Variants in NECTIN3 observed in about 807,000 individuals in gnomAD.
NECTIN3 encodes the protein nectin cell adhesion molecule 3.
NECTIN3 carries 8 observed loss-of-function variants against 49.4 expected under a neutral mutation model. The observed-to-expected ratio is 0.16, with a 90% CI of 0.10 to 0.29. The LOEUF (loss-of-function observed/expected upper bound fraction) is 0.29, where lower values mean the gene tolerates loss of function less well. Ranked by LOEUF, NECTIN3 falls within the 10% of genes least tolerant of loss-of-function variation. The pLI is 1.00. For synonymous variants in NECTIN3, 277 were observed against 241.1 expected (o/e 1.15, Z -1.38); for missense variants, 581 against 654.6 (o/e 0.89, Z 1.23).
At position 111,089,757 on chromosome 3, in the gene NECTIN3, T is replaced by A. The variant is rs1421894295; in HGVS notation, c.160+17580T>A. Reference sequence around the variant, plus strand: ...GTGAAGTGTTCTCTCTCCATGTATGTATGTGTATATGAGTTAGATCGAGTT... The same window carrying A: ...GTGAAGTGTTCTCTCTCCATGTATGAATGTGTATATGAGTTAGATCGAGTT... On this transcript the variant is annotated intron_variant, in intron 1 of 5. Coordinates refer to ENST00000485303, the MANE Select transcript of NECTIN3 (RefSeq NM_015480.3). 2.0e-5 allele frequency among the ~76,000 whole-genome samples: 3 copies of A among 152,152 alleles called. No individual in the cohort carries two copies. The East Asian group carries it at 5.8e-4, about 29-fold the overall frequency.
In NECTIN3 at chr3:111,071,982, G is replaced by A. The variant is rs533044795; in HGVS notation, c.-36G>A. The A allele has an allele frequency of 2.4e-5, 33 of 1,397,278 alleles. No homozygotes were observed. The East Asian group carries it at 8.2e-4, about 35-fold the overall frequency. 86.6% of individuals were successfully genotyped at this position (1,397,278 alleles called of 1,614,324 possible). A position where few individuals can be genotyped will look rare whatever the true frequency, so the allele number is the denominator to read the frequency against. Reference sequence around the variant, plus strand: ...GGCGCCGGGGCCGGGGGAGCCGGGGGGCGGGCGGGCGAGCGGGCCGGGGGG... The same window carrying A: ...GGCGCCGGGGCCGGGGGAGCCGGGGAGCGGGCGGGCGAGCGGGCCGGGGGG... On this transcript the variant is annotated 5_prime_UTR_variant, in exon 1 of 6. Coordinates refer to ENST00000485303, the MANE Select transcript of NECTIN3 (RefSeq NM_015480.3).
chr3:111,121,134 C>T (rs2033934680), intron 3 of NECTIN3, among the ~76,000 whole-genome samples: 2 of 150,014 alleles, frequency 1.3e-5, no homozygotes. Flanking sequence ...TCCCGAGTGG[C>T]TGGGACTACA....
intron 1 of NECTIN3, among the ~76,000 whole-genome samples, chr3:111,086,529 A>T (rs1017480255): frequency 1.3e-5 from 2 of 152,150 alleles, no homozygotes; most frequent in Admixed American, 6.5e-5. Context: ...CTGCTGTGCA[A>T]TGCTGGCTTT....
intron 1 of NECTIN3, among the ~76,000 whole-genome samples, chr3:111,104,166 A>G (rs985603225): frequency 6.6e-6 from 1 of 152,106 alleles, no homozygotes. Context: ...ATTTTCTTCA[A>G]AACTTGTTAT....
rs987473150 is a variant in NECTIN3 at position 111,135,658 on chromosome 3, T to C, written c.*1443T>C. 28 of 962,654 alleles carry C rather than the reference T, an allele frequency of 2.9e-5. No homozygotes were observed. Among genetic ancestry groups the C allele is most frequent in the Non-Finnish European group, 3.5e-5 (28 of 809,290 alleles). The allele number at this position is 962,654 out of a possible 1,614,324, so 59.6% of individuals were successfully genotyped here. A position where few individuals can be genotyped will look rare whatever the true frequency, so the allele number is the denominator to read the frequency against. On this transcript the variant is annotated 3_prime_UTR_variant, in exon 6 of 6. Transcript: ENST00000485303. ...ATCATAAATTAAATATATTATTTTG[T>C]TAATAAAAAGGCAAAGTAGTAGGTA...
chr3:111,081,182 A>C (rs1210978653), intron 1 of NECTIN3, among the ~76,000 whole-genome samples: 1 of 152,192 alleles, frequency 6.6e-6, no homozygotes, highest in Non-Finnish European at 1.5e-5. Context: ...TCAGGAGGGT[A>C]AGGTGGGAGG....
chr3:111,072,043 C>A lies in NECTIN3; in HGVS notation c.26C>A (p.Pro9Gln), dbSNP rs1194346576. ...ATGGCGCGGACCCTGCGGCCGTCCC[C>A]GCTGTGTCCTGGAGGCGGCAAAGCA... The part of the protein sequence containing the change: MARTLRPS[P>Q]LCPGGGKAQL... The change falls in exon 1 of 6, where the codon CCG (proline) becomes CAG (glutamine). Residue 9 changes from proline (P) to glutamine (Q), a missense_variant. Physicochemically the swap from Pro to Gln is moderately conservative, Grantham distance 76. Coordinates refer to ENST00000485303, the MANE Select transcript of NECTIN3 (RefSeq NM_015480.3). 1 of 1,541,410 alleles carries A rather than the reference C, an allele frequency of 6.5e-7. No homozygotes were observed. Among genetic ancestry groups the A allele is most frequent in the Non-Finnish European group, 8.7e-7 (1 of 1,143,042 alleles).
chr3:111,109,666 A>G (rs2033372338), intron 1 of NECTIN3, among the ~76,000 whole-genome samples: 1 of 152,030 alleles, frequency 6.6e-6, no homozygotes, highest in Non-Finnish European at 1.5e-5. Flanking sequence ...TATTATATAT[A>G]GGTCTGTTTG....
intron 7 of NECTIN3, among the ~76,000 whole-genome samples, chr3:111,169,014 A>G (rs187595607): frequency 1.5e-3 from 231 of 152,118 alleles, no homozygotes; most frequent in Non-Finnish European, 2.7e-3. Flanking sequence ...TTCTTTATTC[A>G]CAAAGAAAGG....
chr3:111,159,531 T>C lies in NECTIN3; in HGVS notation c.1221+12047T>C, dbSNP rs148197005. Among the ~76,000 whole-genome samples, 1,206 of 152,268 alleles carry C rather than the reference T, an allele frequency of 7.9e-3. 15 individuals carry two copies. The highest frequency in any genetic ancestry group is 0.028 in the African/African-American group (1,149 of 41,564). ...TTTTTAAGTGAGGAATGTGATATTA[T>C]GAGTTACCTAACTTGACAAGGGAGA... On this transcript the variant is annotated intron_variant, in intron 7 of 8. Coordinates refer to the NECTIN3 transcript ENST00000493615.
chr3:111,121,577 A>G (rs770848120), intron 3 of NECTIN3, among the ~76,000 whole-genome samples: 27 of 152,298 alleles, frequency 1.8e-4, no homozygotes, highest in Admixed American at 4.6e-4. Context: ...GTAGTCATGG[A>G]AAGCCTGTGT....
intron 3 of NECTIN3, 101 bp downstream of exon 3, chr3:111,119,053 C>G: frequency 9.0e-7 from 1 of 1,109,532 alleles, no homozygotes; most frequent in South Asian, 1.8e-5. Flanking sequence ...TTTTGTTTTT[C>G]TTTTAATTTT....
intron 1 of NECTIN3, among the ~76,000 whole-genome samples, chr3:111,081,345 T>G (rs1200694319): frequency 1.3e-5 from 2 of 152,240 alleles, no homozygotes; most frequent in African/African-American, 4.8e-5. Context: ...GCATCTGTTA[T>G]GTAGAAAGGA....
In NECTIN3 at chr3:111,124,073, C is replaced by T. The variant is rs1208073269; in HGVS notation, c.917+1835C>T. On this transcript the variant is annotated intron_variant, in intron 4 of 5. Coordinates refer to ENST00000485303, the MANE Select transcript of NECTIN3 (RefSeq NM_015480.3). ...GGAGTTAGGAAGCACTATATCTGGT[C>T]AATCAGTTGTCTTTAAGCCTGGATA... Among the ~76,000 whole-genome samples, 4 of 152,068 alleles carry T rather than the reference C, an allele frequency of 2.6e-5. No homozygotes were observed. In the East Asian group the frequency reaches 7.7e-4, roughly 29 times the overall value.
chr3:111,161,718 C>T (rs762399668), intron 7 of NECTIN3, among the ~76,000 whole-genome samples: 4 of 152,168 alleles, frequency 2.6e-5, no homozygotes, highest in East Asian at 1.9e-4. Context: ...TGGAAAAAAT[C>T]GTCTTCCATG....
chr3:111,182,854 G>T (rs909571841), intron 7 of NECTIN3, among the ~76,000 whole-genome samples: 1 of 151,584 alleles, frequency 6.6e-6, no homozygotes, highest in African/African-American at 2.4e-5. Context: ...TTATTGCTGT[G>T]GTTCAGCTTA....
Position 111,137,480 on chromosome 3 carries a change from A to G in NECTIN3, c.*3265A>G, listed in dbSNP as rs1202979077. On this transcript the variant is annotated 3_prime_UTR_variant, in exon 6 of 6. Transcript: ENST00000485303. ...GTTTTGTTTTGTTTTTTCTTTTTTA[A>G]CCAACCTGTGTATTAGGTGTTAGCC... is the stretch of plus-strand genomic sequence containing the variant. 1.8e-5 allele frequency: 17 copies of G among 958,798 alleles called. No homozygotes were observed. Among genetic ancestry groups the G allele is most frequent in the Non-Finnish European group, 2.1e-5 (17 of 819,398 alleles). The allele number at this position is 958,798 out of a possible 1,614,324, so 59.4% of individuals were successfully genotyped here. A position where few individuals can be genotyped will look rare whatever the true frequency, so the allele number is the denominator to read the frequency against.
In NECTIN3 at chr3:111,135,383, G is replaced by A. The variant is rs2034542410; in HGVS notation, c.*1168G>A. The stretch of plus-strand genomic sequence containing the variant: ...TTTACGATTAAAACTGGAAACATGA[G>A]GTTTTTTGTTTTTGTTTTTTTACAT... On this transcript the variant is annotated 3_prime_UTR_variant, in exon 6 of 6. Transcript: ENST00000485303. 2.1e-6 allele frequency: 2 copies of A among 933,404 alleles called. No homozygotes were observed. Among genetic ancestry groups the A allele is most frequent in the Non-Finnish European group, 2.6e-6 (2 of 783,096 alleles). The allele number at this position is 933,404 out of a possible 1,614,324, so 57.8% of individuals were successfully genotyped here. A position where few individuals can be genotyped will look rare whatever the true frequency, so the allele number is the denominator to read the frequency against.
chr3:111,172,258 C>T (rs1477840), intron 7 of NECTIN3, among the ~76,000 whole-genome samples: 82,504 of 151,990 alleles, frequency 0.54, 26,467 homozygotes, highest in African/African-American at 0.88. Flanking sequence ...CATACACTCA[C>T]GCATGTGCAC....
Sources: allele counts gnomAD v4.1 joint callset (sites outside exome capture counted in the v4.1 genomes callset), GRCh38; gene constraint gnomAD v4.1.1; transcripts MANE v1.5; gene names NCBI Gene and HGNC (gene_info 2026-07-23, HGNC 2026-07-21).